SYCP1: variants seen among roughly 807,000 people sequenced by gnomAD.
The protein encoded by SYCP1 is cancer/testis antigen 8.
In SYCP1, 64 loss-of-function variants were observed where a neutral mutation model predicts 153.1. That is an observed-to-expected ratio of 0.42 (90% CI 0.34 to 0.51). The LOEUF is 0.51. SYCP1 is among the 20% of genes least tolerant of loss of function. The probability of loss-of-function intolerance (pLI) is 0.06; values close to 1 mark genes in which losing one functional copy is unlikely to be tolerated. For missense variants in SYCP1, 997 were observed against 1,049.0 expected, an observed-to-expected ratio of 0.95 and a Z score of 0.68; for synonymous variants, 384 against 341.8, an observed-to-expected ratio of 1.12 and a Z score of -1.36.
chr1:114,932,329 A>G (rs574233008), intron 23 of SYCP1, among the ~76,000 whole-genome samples: 1 of 152,234 alleles, frequency 6.6e-6, no homozygotes, highest in Non-Finnish European at 1.5e-5. Context: ...TCCAGAATAT[A>G]TAAATAACTC....
intron 27 of SYCP1, among the ~76,000 whole-genome samples, chr1:114,971,472 C>A (rs555185657): frequency 1.3e-5 from 2 of 152,246 alleles, no homozygotes; most frequent in South Asian, 2.1e-4. Context: ...CAACAGCCAA[C>A]AGAGCCAAAT....
chr1:114,858,741 G>A, intron 6 of SYCP1, 30 bp downstream of exon 6: 1 of 1,566,884 alleles, frequency 6.4e-7, no homozygotes, highest in Middle Eastern at 1.9e-4. Flanking sequence ...TGTAAACATA[G>A]TATAGTAAAT....
At chr1:114,988,672 C>T (rs996301353) in intron 30 of SYCP1, among the ~76,000 whole-genome samples, 1 of 151,940 alleles carries the variant, frequency 6.6e-6, no homozygotes, top group Admixed American at 6.6e-5. Flanking sequence ...GGGACATCTT[C>T]AGATGGAAAG....
chr1:114,914,350 ATTAC>A (rs1464935056), intron 20 of SYCP1, among the ~76,000 whole-genome samples: 2 of 151,936 alleles, frequency 1.3e-5, no homozygotes, highest in African/African-American at 4.8e-5. Flanking sequence ...AATCTTAAAA[ATTAC>A]TTCTAATCAT....
chr1:114,879,146 T>C (rs1459073302), intron 12 of SYCP1, among the ~76,000 whole-genome samples: 1 of 152,214 alleles, frequency 6.6e-6, no homozygotes, highest in Non-Finnish European at 1.5e-5. Flanking sequence ...TGTTATGTCA[T>C]GTTTAGACTG....
At chr1:114,861,135 C>A (rs912258252) in intron 8 of SYCP1, among the ~76,000 whole-genome samples, 2 of 152,008 alleles carry the variant, frequency 1.3e-5, no homozygotes, top group Admixed American at 6.6e-5. Context: ...CATAGCCATG[C>A]TCGTAATAGA....
rs144479568 is a variant in SYCP1, at chr1:114,984,831, A to G, written c.2666A>G (p.Asp889Gly). 60 of 1,480,664 alleles carry G rather than the reference A, an allele frequency of 4.1e-5. No homozygotes were observed. The highest frequency in any genetic ancestry group is 1.3e-4 in the Admixed American group (6 of 44,872). The allele number at this position is 1,480,664 out of a possible 1,614,324, so 91.7% of individuals were successfully genotyped here. The change falls in exon 30 of 32, where the codon GAT (aspartate) becomes GGT (glycine). Residue 889 changes from aspartate to glycine, a missense_variant. Coordinates refer to ENST00000369522, the MANE Select transcript of SYCP1 (RefSeq NM_003176.4). The part of the protein sequence containing the change: ...KKKRKMAFEF[D>G]INSDSSETTD... Reference sequence around the variant, plus strand: ...AAGAGAAAAATGGCCTTTGAATTTGATATTAATTCAGATAGTTCAGAAACT... The same window carrying G: ...AAGAGAAAAATGGCCTTTGAATTTGGTATTAATTCAGATAGTTCAGAAACT...
chr1:114,976,547 G>A (rs916992371), intron 27 of SYCP1, among the ~76,000 whole-genome samples: 5 of 151,158 alleles, frequency 3.3e-5, no homozygotes, highest in Admixed American at 2.7e-4. Context: ...AGTTGTAGGC[G>A]ATGGTTTCTC....
chr1:114,858,821 A>C, intron 6 of SYCP1, 110 bp downstream of exon 6: 2 of 961,698 alleles, frequency 2.1e-6, no homozygotes, highest in South Asian at 1.9e-5. Flanking sequence ...TTTGTGATGA[A>C]TATTTTAAGG....
At chr1:114,972,147 A>G (rs1672528557) in intron 27 of SYCP1, among the ~76,000 whole-genome samples, 1 of 152,106 alleles carries the variant, frequency 6.6e-6, no homozygotes, top group South Asian at 2.1e-4. Flanking sequence ...CAATCTTTGT[A>G]GATTGTATGT....
chr1:114,855,196 G>C (rs984134060), intron 1 of SYCP1, 178 bp downstream of exon 1: 3 of 208,838 alleles, frequency 1.4e-5, no homozygotes, highest in African/African-American at 6.9e-5. Flanking sequence ...AGAAGGGAAC[G>C]GGCTTTCTTT....
chr1:114,946,672 GA>G (rs1389878530), intron 26 of SYCP1, among the ~76,000 whole-genome samples: 1 of 152,122 alleles, frequency 6.6e-6, no homozygotes, highest in Non-Finnish European at 1.5e-5. Flanking sequence ...AGAGAACGAG[GA>G]GAGATATACT....
intron 12 of SYCP1, among the ~76,000 whole-genome samples, chr1:114,878,959 G>A (rs1342822436): frequency 6.6e-6 from 1 of 152,206 alleles, no homozygotes; most frequent in African/African-American, 2.4e-5. Flanking sequence ...CTGTTTAAAA[G>A]TTTACTAGAC....
rs1433318504 is a variant in SYCP1, at chr1:114,894,544, A to G, written c.1259-904A>G. Among the ~76,000 whole-genome samples, 2 of 152,192 alleles carry G rather than the reference A, an allele frequency of 1.3e-5. 1 individual carries two copies. The highest frequency in any genetic ancestry group is 3.8e-4 in the East Asian group (2 of 5,202). On this transcript the variant is annotated intron_variant, in intron 15 of 31. Transcript: ENST00000369522. ...AAAGATTTTTCAATTTATTAGCATA[A>G]TGTTGAACTCATGGAACTGTAGAAA...
chr1:114,864,153 T>C (rs537763838), intron 8 of SYCP1, among the ~76,000 whole-genome samples: 1 of 151,010 alleles, frequency 6.6e-6, no homozygotes, highest in South Asian at 2.1e-4. Flanking sequence ...GAGTATACAG[T>C]CTAGTGAGGG....
chr1:114,946,408 C>T (rs781729565), intron 26 of SYCP1, 27 bp downstream of exon 26: 44 of 1,440,164 alleles, frequency 3.1e-5, no homozygotes, highest in Admixed American at 8.2e-5. Context: ...ATTGCAGTAA[C>T]GGCCAGTTTT....
intron 8 of SYCP1, among the ~76,000 whole-genome samples, chr1:114,863,618 T>C (rs571816995): frequency 6.6e-6 from 1 of 152,142 alleles, no homozygotes; most frequent in Non-Finnish European, 1.5e-5. Flanking sequence ...ATTTTAATAA[T>C]TGCCATTCTA....
intron 27 of SYCP1, among the ~76,000 whole-genome samples, chr1:114,957,055 T>C (rs776167611): frequency 6.8e-6 from 1 of 147,384 alleles, no homozygotes; most frequent in Non-Finnish European, 1.5e-5. Flanking sequence ...GGTTTTGTTG[T>C]TGTTGTTGTT....
At chr1:114,861,665 T>C (rs1006053152) in intron 8 of SYCP1, among the ~76,000 whole-genome samples, 5 of 152,200 alleles carry the variant, frequency 3.3e-5, no homozygotes, top group Non-Finnish European at 5.9e-5. Flanking sequence ...ATTAATTAAA[T>C]GCCTCTTAGT....
Sources: gnomAD v4.1 joint callset for allele counts (sites outside exome capture counted in the v4.1 genomes callset) on GRCh38, gnomAD v4.1.1 for gene constraint, MANE v1.5 for transcripts, NCBI Gene and HGNC (gene_info 2026-07-23, HGNC 2026-07-21) for gene names.